Variants in PRKN observed in about 807,000 individuals in gnomAD.
The protein encoded by PRKN is parkin RBR E3 ubiquitin protein ligase.
Under a neutral mutation model 59.5 loss-of-function variants are expected in PRKN, and 56 were observed. The observed-to-expected ratio is 0.94, with a 90% confidence interval of 0.76 to 1.18. PRKN has a LOEUF of 1.18. Among genes scored for constraint, PRKN ranks in the 50% most tolerant of loss-of-function variants. The pLI is 0.00. For synonymous variants in PRKN, 250 were observed against 222.1 expected (o/e 1.13, Z -1.12); for missense variants, 657 against 596.4 (o/e 1.10, Z -1.06).
intron 6 of PRKN, among the ~76,000 whole-genome samples, chr6:161,842,501 A>T (rs1226615283): frequency 1.3e-5 from 2 of 150,522 alleles, no homozygotes; most frequent in Non-Finnish European, 3.0e-5. Context: ...GGCAAGAGAG[A>T]CATGTCCTTG....
intron 6 of PRKN, among the ~76,000 whole-genome samples, chr6:161,949,212 C>A (rs1289040780): frequency 6.6e-6 from 1 of 152,148 alleles, no homozygotes; most frequent in Admixed American, 6.5e-5. Context: ...ACTCTGTTCT[C>A]CTGACTTAAA....
At chr6:162,129,011 T>A (rs1415174105) in intron 4 of PRKN, among the ~76,000 whole-genome samples, 1 of 152,160 alleles carries the variant, frequency 6.6e-6, no homozygotes, top group Non-Finnish European at 1.5e-5. Flanking sequence ...AAATGGTAAA[T>A]GAATGCTTTA....
intron 4 of PRKN, among the ~76,000 whole-genome samples, chr6:162,098,540 C>T (rs911969795): frequency 5.3e-5 from 8 of 152,272 alleles, no homozygotes; most frequent in Non-Finnish European, 8.8e-5. Flanking sequence ...TGCCTATGCT[C>T]GCAGCTACAT....
chr6:161,496,537 G>A (rs1454787820), intron 9 of PRKN, among the ~76,000 whole-genome samples: 6 of 152,370 alleles, frequency 3.9e-5, no homozygotes, highest in South Asian at 4.1e-4. Flanking sequence ...AAGAGAGCAT[G>A]TGCAGGGGAC....
At chr6:162,002,181 T>C (rs906680131) in intron 5 of PRKN, among the ~76,000 whole-genome samples, 1 of 152,050 alleles carries the variant, frequency 6.6e-6, no homozygotes, top group African/African-American at 2.4e-5. Flanking sequence ...TAGAGGGAAT[T>C]AGAAAGAATT....
intron 9 of PRKN, among the ~76,000 whole-genome samples, chr6:161,389,310 C>G (rs960575321): frequency 6.6e-6 from 1 of 152,102 alleles, no homozygotes; most frequent in African/African-American, 2.4e-5. Flanking sequence ...ACATCAGAAA[C>G]AAAAAGGAAA....
chr6:162,312,711 A>G (rs7748665), intron 2 of PRKN, among the ~76,000 whole-genome samples: 33,416 of 151,950 alleles, frequency 0.22, 6,976 homozygotes, highest in African/African-American at 0.56. Flanking sequence ...AGAGGTCATA[A>G]AGCCTTTGTG....
intron 2 of PRKN, among the ~76,000 whole-genome samples, chr6:162,368,321 A>T (rs1483683354): frequency 6.6e-6 from 1 of 152,158 alleles, no homozygotes; most frequent in African/African-American, 2.4e-5. Flanking sequence ...AGGAGAGCTG[A>T]CATTGTTGAA....
intron 7 of PRKN, among the ~76,000 whole-genome samples, chr6:161,711,580 T>C (rs75104711): frequency 0.025 from 3,768 of 152,248 alleles, 159 homozygotes; most frequent in African/African-American, 0.084. Context: ...ATACTGAGTG[T>C]TAATTTGATT....
At chr6:161,557,294 T>C (rs750226356) in intron 8 of PRKN, among the ~76,000 whole-genome samples, 6 of 152,220 alleles carry the variant, frequency 3.9e-5, no homozygotes, top group Non-Finnish European at 7.3e-5. Flanking sequence ...ATAAAATTCA[T>C]AGAAGTTTCA....
intron 7 of PRKN, among the ~76,000 whole-genome samples, chr6:161,660,439 G>A (rs185603279): frequency 5.3e-5 from 8 of 151,994 alleles, no homozygotes; most frequent in Admixed American, 4.6e-4. Context: ...ACCATTCAAA[G>A]GAAAAAACAG....
chr6:161,609,985 G>A (rs1423581470), intron 7 of PRKN, among the ~76,000 whole-genome samples: 1 of 152,126 alleles, frequency 6.6e-6, no homozygotes, highest in Non-Finnish European at 1.5e-5. Context: ...TATTTTTAAG[G>A]TCATCATTTG....
intron 6 of PRKN, among the ~76,000 whole-genome samples, chr6:161,837,664 C>T (rs1472334552): frequency 6.6e-6 from 1 of 151,214 alleles, no homozygotes; most frequent in Non-Finnish European, 1.5e-5. Context: ...TTTATATGTT[C>T]CAGGGTAATA....
chr6:162,568,939 T>C, intron 1 of PRKN: 2 of 666,600 alleles, frequency 3.0e-6, no homozygotes, highest in South Asian at 1.6e-5. Context: ...AAGGTAGAGC[T>C]GTAGTCTCAG....
At chr6:162,342,336 T>TCAAAA (rs1025423220) in intron 2 of PRKN, among the ~76,000 whole-genome samples, 2 of 152,162 alleles carry the variant, frequency 1.3e-5, no homozygotes, top group African/African-American at 2.4e-5. Context: ...GATAATACTT[T>TCAAAA]CAAAACAAAA....
At chr6:161,744,112 A>T (rs1434451158) in intron 7 of PRKN, among the ~76,000 whole-genome samples, 1 of 152,160 alleles carries the variant, frequency 6.6e-6, no homozygotes, top group East Asian at 1.9e-4. Context: ...TATGTTTTTT[A>T]AAAGCCAACT....
rs944698564 is a variant in PRKN at position 162,539,418 on chromosome 6, TTAA to T, written c.8-95948_8-95946del. Among the ~76,000 whole-genome samples the T allele has an allele frequency of 7.0e-4, 107 of 152,280 alleles. No homozygotes were observed. The Middle Eastern group carries it at 0.014, about 19-fold the overall frequency. On this transcript the variant is annotated intron_variant, in intron 1 of 11. Transcript: ENST00000366898. ...GCCTTCCATTTCTCCTATACTAAGA[TTAA>T]TTTCAGTTTCAAATGTCCTTGTCAT...
chr6:162,416,693 T>C (rs866975149), intron 2 of PRKN, among the ~76,000 whole-genome samples: 1 of 152,170 alleles, frequency 6.6e-6, no homozygotes, highest in Non-Finnish European at 1.5e-5. Flanking sequence ...AATTATTTTC[T>C]TTCTGCTCTT....
In PRKN at chr6:161,548,775, TA is replaced by T; in HGVS notation, c.1083+78del. The T allele has an allele frequency of 2.3e-6, 3 of 1,295,398 alleles. No homozygotes were observed. The highest frequency in any genetic ancestry group is 3.3e-6 in the Non-Finnish European group (3 of 914,280). 80.2% of individuals were successfully genotyped at this position (1,295,398 alleles called of 1,614,324 possible). On this transcript the variant is annotated intron_variant, in intron 9 of 11. Coordinates refer to ENST00000366898, the MANE Select transcript of PRKN (RefSeq NM_004562.3). This position sits in a 1 kb window ranked among gnomAD's most constrained non-coding sequence, Gnocchi z 4.2. ...GTCCAAAGGGAAAATGAAAATAAAA[TA>T]AAAATATAATCCCAGCCCATGTGCA...
Sources: allele counts gnomAD v4.1 joint callset (sites outside exome capture counted in the v4.1 genomes callset), GRCh38; gene constraint gnomAD v4.1.1; non-coding constraint Gnocchi (gnomAD v3.1); transcripts MANE v1.5; gene names NCBI Gene and HGNC (gene_info 2026-07-23, HGNC 2026-07-21).